Variants in ADAMTS6 observed in about 807,000 individuals in gnomAD.
ADAMTS6 encodes the protein ADAM metallopeptidase with thrombospondin type 1 motif 6.
In ADAMTS6, 23 loss-of-function variants were observed where a neutral mutation model predicts 144.3. That is an observed-to-expected ratio of 0.16 (90% CI 0.11 to 0.23). ADAMTS6 has a LOEUF of 0.23. Ranked by LOEUF, ADAMTS6 falls within the 10% of genes least tolerant of loss-of-function variation. The pLI is 1.00. For synonymous variants in ADAMTS6, 444 were observed against 457.5 expected, an observed-to-expected ratio of 0.97 and a Z score of 0.38; for missense variants, 999 against 1,379.6, an observed-to-expected ratio of 0.72 and a Z score of 4.37.
chr5:65,202,537 A>T (rs1422843465), intron 20 of ADAMTS6, among the ~76,000 whole-genome samples: 1 of 152,146 alleles, frequency 6.6e-6, no homozygotes, highest in Non-Finnish European at 1.5e-5. Context: ...TTACACTAAA[A>T]TGGGGGTGGG....
At chr5:65,479,487 T>C (rs1008653275) in intron 1 of ADAMTS6, among the ~76,000 whole-genome samples, 1 of 152,252 alleles carries the variant, frequency 6.6e-6, no homozygotes. Context: ...TTCTGTATTA[T>C]AAATTTTTTC....
At chr5:65,302,776 T>C (rs1300718910) in intron 9 of ADAMTS6, among the ~76,000 whole-genome samples, 1 of 152,168 alleles carries the variant, frequency 6.6e-6, no homozygotes, top group Non-Finnish European at 1.5e-5. Context: ...CAAGTAACGA[T>C]AGCTTTAAAA....
At chr5:65,330,830 G>T (rs1746645499) in intron 8 of ADAMTS6, among the ~76,000 whole-genome samples, 1 of 152,014 alleles carries the variant, frequency 6.6e-6, no homozygotes, top group African/African-American at 2.4e-5. Context: ...CCCCTGGGCT[G>T]CCCTTCCATT....
intron 24 of ADAMTS6, among the ~76,000 whole-genome samples, chr5:65,161,291 G>C (rs111531837): frequency 4.7e-4 from 72 of 151,600 alleles, no homozygotes; most frequent in African/African-American, 1.6e-3. Flanking sequence ...TCTCCCCTTG[G>C]CCTCCCAAAA....
intron 15 of ADAMTS6, among the ~76,000 whole-genome samples, chr5:65,236,774 C>T (rs975169774): frequency 4.0e-5 from 6 of 151,054 alleles, no homozygotes; most frequent in East Asian, 1.9e-4. Context: ...TGTAAAAGAG[C>T]GAAAGAAACT....
At chr5:65,331,362 A>G (rs1746700251) in intron 8 of ADAMTS6, among the ~76,000 whole-genome samples, 1 of 151,992 alleles carries the variant, frequency 6.6e-6, no homozygotes. Flanking sequence ...AGAATTCTCA[A>G]TGACTCCTCA....
intron 14 of ADAMTS6, among the ~76,000 whole-genome samples, chr5:65,256,827 G>A (rs1364440761): frequency 6.6e-6 from 1 of 151,944 alleles, no homozygotes; most frequent in Non-Finnish European, 1.5e-5. Flanking sequence ...CTACCTAAAA[G>A]TGTGATATAT....
chr5:65,344,878 G>A (rs758170372), intron 7 of ADAMTS6, among the ~76,000 whole-genome samples: 8 of 151,476 alleles, frequency 5.3e-5, no homozygotes, highest in Admixed American at 5.3e-4. Flanking sequence ...AACTTTCTTC[G>A]GCTAGGTTAT....
chr5:65,292,560 C>A (rs1479552569), intron 10 of ADAMTS6, among the ~76,000 whole-genome samples: 1 of 152,042 alleles, frequency 6.6e-6, no homozygotes, highest in Admixed American at 6.5e-5. Flanking sequence ...TTCTCATATT[C>A]TTAACATGTC....
intron 3 of ADAMTS6, among the ~76,000 whole-genome samples, chr5:65,461,985 T>A (rs1759669581): frequency 6.6e-6 from 1 of 152,116 alleles, no homozygotes; most frequent in Admixed American, 6.5e-5. Context: ...TAGATTAAAT[T>A]GGCAGTCACC....
chr5:65,441,580 G>A lies in ADAMTS6; in HGVS notation c.1073+9895C>T, dbSNP rs140647262. On this transcript the variant is annotated intron_variant, in intron 7 of 24. Transcript: ENST00000381055. Reference sequence around the variant, plus strand: ...CATGACCACCCAAATTAATCTAATTGATATATATAGAAAATTCGATCCAAC... The same window carrying A: ...CATGACCACCCAAATTAATCTAATTAATATATATAGAAAATTCGATCCAAC... 7.9e-3 allele frequency among the ~76,000 whole-genome samples: 1,199 copies of A among 152,038 alleles called. 15 individuals are homozygous for A. The highest frequency in any genetic ancestry group is 0.028 in the African/African-American group (1,161 of 41,472).
rs186412070 is a variant in ADAMTS6 at position 65,453,904 on chromosome 5, A to G, written c.632-986T>C. Among the ~76,000 whole-genome samples, 3 of 152,296 alleles carry G rather than the reference A, an allele frequency of 2.0e-5. No homozygotes were observed. In the East Asian group the frequency reaches 5.8e-4, roughly 29 times the overall value. Reference sequence around the variant, plus strand: ...TTAGCCTTTCTGTTTTACAAATTGCATTGGTAGGTGCTATGGTTTGAATAT... The same window carrying G: ...TTAGCCTTTCTGTTTTACAAATTGCGTTGGTAGGTGCTATGGTTTGAATAT... On this transcript the variant is annotated intron_variant, in intron 4 of 24. Coordinates refer to ENST00000381055, the MANE Select transcript of ADAMTS6 (RefSeq NM_197941.4).
intron 7 of ADAMTS6, among the ~76,000 whole-genome samples, chr5:65,433,570 T>C (rs755695444): frequency 9.9e-5 from 15 of 152,136 alleles, no homozygotes; most frequent in Non-Finnish European, 2.2e-4. Context: ...ATACAAGAAA[T>C]ACAATCTAAT....
At chr5:65,474,824 A>AAAC (rs1760734623) in intron 1 of ADAMTS6, among the ~76,000 whole-genome samples, 1 of 151,734 alleles carries the variant, frequency 6.6e-6, no homozygotes, top group Non-Finnish European at 1.5e-5. Context: ...AAAGGATAAA[A>AAAC]AACGAAAATG....
chr5:65,435,584 T>C (rs1757326975), intron 7 of ADAMTS6, among the ~76,000 whole-genome samples: 1 of 151,958 alleles, frequency 6.6e-6, no homozygotes, highest in Non-Finnish European at 1.5e-5. Flanking sequence ...AAAAGAACTC[T>C]GCACCTTTTT....
In ADAMTS6 at chr5:65,273,462, A is replaced by G. The variant is rs1220612674; in HGVS notation, c.1513-15T>C. 6.3e-7 allele frequency: 1 copy of G among 1,599,800 alleles called. No homozygotes were observed. On this transcript the variant is annotated splice_polypyrimidine_tract_variant and intron_variant, in intron 11 of 24. Transcript: ENST00000381055. ...CTACACACTTCCTAGGAAAGAAGGC[A>G]AAAGCAAGTTGATCAGAAATAGAGT...
At chr5:65,242,042 T>G in intron 15 of ADAMTS6, 62 bp downstream of exon 15, 3 of 1,155,988 alleles carry the variant, frequency 2.6e-6, no homozygotes, top group Non-Finnish European at 3.7e-6. Flanking sequence ...TGTATATATT[T>G]GTATATTCTT....
intron 22 of ADAMTS6, among the ~76,000 whole-genome samples, chr5:65,177,423 C>G (rs1754047761): frequency 5.3e-5 from 8 of 152,180 alleles, no homozygotes; most frequent in Admixed American, 5.2e-4. Context: ...TCAAAGACAG[C>G]TCTCTACTTC....
intron 11 of ADAMTS6, among the ~76,000 whole-genome samples, chr5:65,290,933 A>G (rs1742239012): frequency 6.6e-6 from 1 of 152,206 alleles, no homozygotes. Flanking sequence ...TCAAGTAGGA[A>G]TAAAAGTAAA....
Sources: allele counts gnomAD v4.1 joint callset (sites outside exome capture counted in the v4.1 genomes callset), GRCh38; gene constraint gnomAD v4.1.1; transcripts MANE v1.5; gene names NCBI Gene and HGNC (gene_info 2026-07-23, HGNC 2026-07-21).